Variants in KLF12 observed in about 807,000 individuals in gnomAD.
KLF12 encodes KLF transcription factor 12.
A neutral mutation model predicts 37.8 loss-of-function variants in KLF12; 9 were observed. That is an observed-to-expected ratio of 0.24 (90% CI 0.14 to 0.42). The LOEUF (loss-of-function observed/expected upper bound fraction) is 0.42, where lower values mean the gene tolerates loss of function less well. KLF12 is among the 10% of genes least tolerant of loss of function. KLF12 has a pLI of 1.00. For missense variants in KLF12, 411 were observed against 516.0 expected (o/e 0.80, Z 1.97); for synonymous variants, 208 against 202.1 (o/e 1.03, Z -0.25).
intron 2 of KLF12, among the ~76,000 whole-genome samples, chr13:73,954,172 G>A (rs1890752760): frequency 1.3e-5 from 2 of 151,570 alleles, no homozygotes; most frequent in Admixed American, 6.6e-5. Context: ...TAGAGGCGGG[G>A]TTTCACCATG....
intron 6 of KLF12, among the ~76,000 whole-genome samples, chr13:73,721,151 C>T (rs1391788118): frequency 6.6e-6 from 1 of 152,186 alleles, no homozygotes; most frequent in Non-Finnish European, 1.5e-5. Context: ...TACACTGTAT[C>T]CCTCTTTTAC....
chr13:74,056,859 A>G (rs897063476), intron 1 of KLF12, among the ~76,000 whole-genome samples: 1 of 152,326 alleles, frequency 6.6e-6, no homozygotes, highest in Non-Finnish European at 1.5e-5. Flanking sequence ...GTGGAAAAAT[A>G]AATCTGCATA....
intron 5 of KLF12, among the ~76,000 whole-genome samples, chr13:73,795,553 A>G (rs530627203): frequency 3.0e-4 from 46 of 152,370 alleles, no homozygotes; most frequent in Non-Finnish European, 6.3e-4. Flanking sequence ...ACATGGTAGG[A>G]ATCTGGATAA....
At chr13:74,166,102 T>TC in the KLF12 span, among the ~76,000 whole-genome samples, 4 of 149,226 alleles carry the variant, frequency 2.7e-5, no homozygotes, top group Non-Finnish European at 5.9e-5. Context: ...TTTTTTTTTT[T>TC]TTTTTTTGAG....
At chr13:74,045,329 A>G (rs1316759947) in intron 1 of KLF12, among the ~76,000 whole-genome samples, 1 of 152,280 alleles carries the variant, frequency 6.6e-6, no homozygotes, top group East Asian at 1.9e-4. Context: ...CCCAAAACTC[A>G]TCACCCTAGA....
the KLF12 span, among the ~76,000 whole-genome samples, chr13:74,251,198 C>T: frequency 2.0e-5 from 3 of 152,104 alleles, no homozygotes; most frequent in East Asian, 5.8e-4. Context: ...ATCACCCAGG[C>T]TGGAGTGCAG....
intron 4 of KLF12, among the ~76,000 whole-genome samples, chr13:73,839,984 T>G (rs1408158514): frequency 2.6e-5 from 4 of 152,082 alleles, no homozygotes; most frequent in Non-Finnish European, 4.4e-5. Context: ...GCAAAACTAC[T>G]CCAAAGAACT....
At chr13:74,016,706 G>C (rs1006579049) in intron 1 of KLF12, among the ~76,000 whole-genome samples, 6 of 152,106 alleles carry the variant, frequency 3.9e-5, no homozygotes, top group Non-Finnish European at 8.8e-5. Flanking sequence ...CAGTTACTTA[G>C]GCAAACTGTT....
chr13:73,886,137 A>C (rs970463332), intron 3 of KLF12, among the ~76,000 whole-genome samples: 1 of 152,218 alleles, frequency 6.6e-6, no homozygotes, highest in Admixed American at 6.5e-5. Context: ...ACCAGGTACC[A>C]GTCTATGGAA....
chr13:73,722,112 T>C (rs993061742), intron 6 of KLF12, among the ~76,000 whole-genome samples: 1 of 152,162 alleles, frequency 6.6e-6, no homozygotes, highest in South Asian at 2.1e-4. Flanking sequence ...TCATATTATT[T>C]AAAATAAGAC....
At chr13:73,711,764 G>A (rs1875415390) in intron 7 of KLF12, among the ~76,000 whole-genome samples, 2 of 152,144 alleles carry the variant, frequency 1.3e-5, no homozygotes, top group Non-Finnish European at 2.9e-5. Flanking sequence ...GAGTCATTTT[G>A]ACTTTTAAGT....
At chr13:73,915,658 A>G (rs190313088) in intron 3 of KLF12, among the ~76,000 whole-genome samples, 1,978 of 144,914 alleles carry the variant, frequency 0.014, 53 homozygotes, top group African/African-American at 0.048. Context: ...GACTACAGGC[A>G]CCTGCCACCA....
At chr13:73,740,763 T>C (rs1877911843) in intron 6 of KLF12, among the ~76,000 whole-genome samples, 1 of 152,194 alleles carries the variant, frequency 6.6e-6, no homozygotes. Flanking sequence ...TCCGACACCC[T>C]CTAGGAGTCC....
At chr13:74,138,948 T>G in the KLF12 span, among the ~76,000 whole-genome samples, 18 of 152,176 alleles carry the variant, frequency 1.2e-4, no homozygotes, top group Non-Finnish European at 2.2e-4. Context: ...CTAAAAACGA[T>G]TCCTGCATAC....
At chr13:73,945,916 T>G (rs1354412001) in intron 2 of KLF12, among the ~76,000 whole-genome samples, 1 of 152,194 alleles carries the variant, frequency 6.6e-6, no homozygotes, top group East Asian at 1.9e-4. Context: ...GTTCTAAACT[T>G]GAAACCCTTT....
At chr13:74,001,532 G>GA (rs1414817657) in intron 1 of KLF12, among the ~76,000 whole-genome samples, 1 of 152,168 alleles carries the variant, frequency 6.6e-6, no homozygotes, top group African/African-American at 2.4e-5. Flanking sequence ...ACACAATCAA[G>GA]AAAAAATAAG....
chr13:74,209,406 C>A, the KLF12 span, among the ~76,000 whole-genome samples: 1 of 151,854 alleles, frequency 6.6e-6, no homozygotes, highest in Non-Finnish European at 1.5e-5. Context: ...GATTTTTAGC[C>A]ATTTCTGATT....
At chr13:73,795,452 T>C (rs1275134587) in intron 5 of KLF12, among the ~76,000 whole-genome samples, 3 of 152,314 alleles carry the variant, frequency 2.0e-5, no homozygotes, top group African/African-American at 7.2e-5. Flanking sequence ...ACACACTGAA[T>C]AAATGAAATA....
At chr13:74,175,524 T>C in the KLF12 span, among the ~76,000 whole-genome samples, 2 of 152,196 alleles carry the variant, frequency 1.3e-5, no homozygotes, top group Admixed American at 6.5e-5. Flanking sequence ...AAGGAGAGTC[T>C]CTTTTTCCTG....
Sources: gnomAD v4.1 joint callset for allele counts (sites outside exome capture counted in the v4.1 genomes callset) on GRCh38, gnomAD v4.1.1 for gene constraint, MANE v1.5 for transcripts, NCBI Gene and HGNC (gene_info 2026-07-23, HGNC 2026-07-21) for gene names.